Variants in SPICE1 observed in about 807,000 individuals in gnomAD.
SPICE1 encodes the protein spindle and centriole-associated protein 1.
Under a neutral mutation model 102.7 loss-of-function variants are expected in SPICE1, and 75 were observed. That is an observed-to-expected ratio of 0.73 (90% CI 0.61 to 0.88). The LOEUF (loss-of-function observed/expected upper bound fraction) is 0.88, where lower values mean the gene tolerates loss of function less well. SPICE1 is among the 40% of genes least tolerant of loss of function. SPICE1 has a pLI of 0.00. For synonymous variants in SPICE1, 308 were observed against 350.3 expected (o/e 0.88, Z 1.35); for missense variants, 979 against 1,020.1 (o/e 0.96, Z 0.55).
chr3:113,477,531 C>T (rs1936382468), intron 7 of SPICE1, among the ~76,000 whole-genome samples: 1 of 151,644 alleles, frequency 6.6e-6, no homozygotes, highest in South Asian at 2.1e-4. Flanking sequence ...GACTTGGAAC[C>T]AACCCAAATG....
intron 12 of SPICE1, chr3:113,460,290 T>C: frequency 1.0e-6 from 1 of 958,810 alleles, no homozygotes; most frequent in Non-Finnish European, 1.2e-6. Flanking sequence ...GTTCTGCTAC[T>C]TTCTACCTGT....
intron 1 of SPICE1, 49 bp from the exon 2 acceptor site, chr3:113,506,654 A>T (rs1259225773): frequency 4.1e-6 from 6 of 1,477,602 alleles, no homozygotes; most frequent in Non-Finnish European, 4.7e-6. Context: ...AAAAAACAAT[A>T]AGCATCACCA....
intron 7 of SPICE1, among the ~76,000 whole-genome samples, chr3:113,486,992 G>A (rs925618882): frequency 6.6e-6 from 1 of 151,694 alleles, no homozygotes; most frequent in African/African-American, 2.4e-5. Context: ...AGGGATAGGG[G>A]ATGGTGACTG....
intron 7 of SPICE1, among the ~76,000 whole-genome samples, chr3:113,485,411 A>G (rs993962683): frequency 1.3e-5 from 2 of 152,110 alleles, no homozygotes; most frequent in Admixed American, 1.3e-4. Context: ...GGCAGCTGCC[A>G]TTGCTGAGGC....
chr3:113,487,298 A>C (rs1936671420), intron 7 of SPICE1, among the ~76,000 whole-genome samples: 1 of 152,142 alleles, frequency 6.6e-6, no homozygotes, highest in Admixed American at 6.5e-5. Context: ...ACAAATGTGG[A>C]ATAAGAAGAC....
intron 10 of SPICE1, among the ~76,000 whole-genome samples, chr3:113,467,790 G>A (rs1936095464): frequency 6.6e-6 from 1 of 152,132 alleles, no homozygotes. Flanking sequence ...GCAGAGAATA[G>A]CAATAGAATG....
In SPICE1 at chr3:113,450,520, TGGG is replaced by T; in HGVS notation, c.2143-7_2143-5del. 6.4e-7 allele frequency: 1 copy of T among 1,560,110 alleles called. No individual in the cohort carries two copies. Among genetic ancestry groups the T allele is most frequent in the Non-Finnish European group, 8.6e-7 (1 of 1,157,142 alleles). ...GAGACTGTGCTACTGGAAAAGTCTT[TGGG>T]AGAAAAAAAAAAAAAGTACAAATTG... On this transcript the variant is annotated splice_polypyrimidine_tract_variant and splice_region_variant and intron_variant, in intron 14 of 17. Transcript: ENST00000295872.
In SPICE1 at chr3:113,444,185, G is replaced by A. The variant is rs1935459348; in HGVS notation, c.*1122C>T. 1 of 151,790 alleles carries A rather than the reference G, an allele frequency of 6.6e-6. No homozygotes were observed. Among genetic ancestry groups the A allele is most frequent in the Non-Finnish European group, 1.5e-5 (1 of 67,930 alleles). 9.4% of individuals were successfully genotyped at this position (151,790 alleles called of 1,614,324 possible). On this transcript the variant is annotated 3_prime_UTR_variant, in exon 18 of 18. Coordinates refer to ENST00000295872, the MANE Select transcript of SPICE1 (RefSeq NM_144718.4). The stretch of plus-strand genomic sequence containing the variant: ...GTTTAAAATAGAAATAAACATCTCA[G>A]AACCAAAAGGGTACCCTGAAAAATC...
chr3:113,474,039 C>T (rs1179741012), intron 7 of SPICE1, among the ~76,000 whole-genome samples: 1 of 151,924 alleles, frequency 6.6e-6, no homozygotes, highest in African/African-American at 2.4e-5. Flanking sequence ...AATCAGGAAA[C>T]CCATCTCACG....
chr3:113,452,855 G>A (rs1467530821), intron 14 of SPICE1, among the ~76,000 whole-genome samples: 3 of 152,116 alleles, frequency 2.0e-5, no homozygotes, highest in African/African-American at 7.2e-5. Context: ...GTGCATGCCT[G>A]TAATCCCAGC....
chr3:113,493,000 A>G (rs1451618052), intron 6 of SPICE1, among the ~76,000 whole-genome samples: 1 of 152,246 alleles, frequency 6.6e-6, no homozygotes, highest in Non-Finnish European at 1.5e-5. Flanking sequence ...CTACTAGGTA[A>G]GCACTCAGTA....
intron 4 of SPICE1, chr3:113,499,088 T>C (rs752481705): frequency 1.2e-5 from 2 of 160,928 alleles, no homozygotes; most frequent in Non-Finnish European, 2.7e-5. Flanking sequence ...GCAGCTTATA[T>C]ACAAAAAGAG....
Position 113,503,244 on chromosome 3 carries a change from C to T in SPICE1, c.100-17G>A, listed in dbSNP as rs1348964515. 2.6e-6 allele frequency: 4 copies of T among 1,548,538 alleles called. No individual in the cohort carries two copies. The highest frequency in any genetic ancestry group is 2.3e-5 in the East Asian group (1 of 42,586). On this transcript the variant is annotated splice_polypyrimidine_tract_variant and intron_variant, in intron 2 of 17. Transcript: ENST00000295872. ...CACGGTATTCTGTAAAAAAAGGTGGCCTTTCTTTAAAAAAAAAAAAAAGTT... is the reference window on the plus strand; with the variant it reads ...CACGGTATTCTGTAAAAAAAGGTGGTCTTTCTTTAAAAAAAAAAAAAAGTT...
chr3:113,493,169 CAGCATGAGTGTTAT>C, intron 6 of SPICE1, 23 bp downstream of exon 6: 1 of 1,426,644 alleles, frequency 7.0e-7, no homozygotes, highest in Non-Finnish European at 9.5e-7. Context: ...AACTTCCTTT[CAGCATGAGTGTTAT>C]AGCTGTGAGT....
chr3:113,479,032 A>T (rs1294778218), intron 7 of SPICE1, among the ~76,000 whole-genome samples: 1 of 152,012 alleles, frequency 6.6e-6, no homozygotes, highest in Non-Finnish European at 1.5e-5. Flanking sequence ...TGTGCAAGTT[A>T]GTTACATATG....
At chr3:113,472,174 C>A (rs142842627) in intron 7 of SPICE1, among the ~76,000 whole-genome samples, 2,528 of 152,318 alleles carry the variant, frequency 0.017, 57 homozygotes, top group African/African-American at 0.049. Context: ...CAGAGTCTCA[C>A]TGATTGCTAG....
intron 11 of SPICE1, among the ~76,000 whole-genome samples, chr3:113,463,687 A>G (rs1935985544): frequency 2.0e-5 from 3 of 152,244 alleles, no homozygotes; most frequent in Admixed American, 1.3e-4. Flanking sequence ...TCTATGTAAT[A>G]TCTATATTAG....
At chr3:113,480,931 A>AGAAAGAAAGGAAGAAAGAAAG (rs61284128) in intron 7 of SPICE1, among the ~76,000 whole-genome samples, 2 of 143,612 alleles carry the variant, frequency 1.4e-5, no homozygotes, top group Non-Finnish European at 3.0e-5. Flanking sequence ...AAAGAAAGAA[A>AGAAAGAAAGGAAGAAAGAAAG]AAAGACCTCA....
At position 113,469,139 on chromosome 3, in the gene SPICE1, T is replaced by C. The variant is rs766926132; in HGVS notation, c.711A>G (p.Pro237=). The C allele has an allele frequency of 6.8e-6, 11 of 1,613,634 alleles. 1 individual carries two copies. The Middle Eastern group carries it at 4.9e-4, about 72-fold the overall frequency. Residue 237 remains proline (P), a synonymous_variant, in exon 8 of 18, where the codon CCA becomes CCG. Coordinates refer to ENST00000295872, the MANE Select transcript of SPICE1 (RefSeq NM_144718.4). ...ATGAAAGAGCAGATGATGGCGTTCC[T>C]GGAGGAGTTATTTGTGACTGGGTTG... ...KIATQSQITP[P]GTPSSALSSG...
Sources: allele counts gnomAD v4.1 joint callset (sites outside exome capture counted in the v4.1 genomes callset), GRCh38; gene constraint gnomAD v4.1.1; transcripts MANE v1.5; gene names NCBI Gene and HGNC (gene_info 2026-07-23, HGNC 2026-07-21).